SAMD12: variants seen among roughly 807,000 people sequenced by gnomAD.
SAMD12 encodes sterile alpha motif domain-containing protein 12.
A neutral mutation model predicts 15.0 loss-of-function variants in SAMD12; 9 were observed. The observed-to-expected ratio is 0.60, with a 90% CI of 0.36 to 1.05. SAMD12 has a LOEUF of 1.05. Ranked by LOEUF, SAMD12 falls within the 50% of genes least tolerant of loss-of-function variation. The pLI is 0.01. For synonymous variants in SAMD12, 86 were observed against 90.1 expected (o/e 0.96, Z 0.25); for missense variants, 230 against 234.2 (o/e 0.98, Z 0.12).
chr8:118,145,988 G>A, the SAMD12 span, among the ~76,000 whole-genome samples: 2 of 152,296 alleles, frequency 1.3e-5, no homozygotes, highest in Admixed American at 6.5e-5. Flanking sequence ...GGAGATCAAA[G>A]CGATGCAACC....
At chr8:118,300,095 C>T (rs1814937631) in intron 4 of SAMD12, among the ~76,000 whole-genome samples, 1 of 151,928 alleles carries the variant, frequency 6.6e-6, no homozygotes, top group Non-Finnish European at 1.5e-5. Context: ...TGATGCAATA[C>T]ATATATAGTG....
chr8:118,298,352 G>T (rs1257767589), intron 4 of SAMD12, among the ~76,000 whole-genome samples: 1 of 152,082 alleles, frequency 6.6e-6, no homozygotes, highest in African/African-American at 2.4e-5. Context: ...TAGAATAAGT[G>T]CATACATGCT....
rs543121343 is a variant in SAMD12 at position 118,621,685 on chromosome 8, G to A, written c.13+119C>T. 6 of 1,160,746 alleles carry A rather than the reference G, an allele frequency of 5.2e-6. No homozygotes were observed. The South Asian group carries it at 6.3e-5, about 12-fold the overall frequency. 71.9% of individuals were successfully genotyped at this position (1,160,746 alleles called of 1,614,324 possible). The stretch of plus-strand genomic sequence containing the variant: ...GTGCCAAGAGGTGGAGGAGGAAGGG[G>A]CCCGCTCTCCGCCACCCCCTTTCCT... On this transcript the variant is annotated intron_variant, in intron 1 of 3. Transcript: ENST00000314727.
At chr8:118,188,851 G>T (rs780067319), downstream of SAMD12, among the ~76,000 whole-genome samples, 35 of 152,162 alleles carry the variant, frequency 2.3e-4, no homozygotes, top group Middle Eastern at 3.4e-3. Flanking sequence ...GATGTTTGCC[G>T]CACTAGAGGC....
chr8:118,201,226 A>T (rs1193853785), intron 4 of SAMD12, among the ~76,000 whole-genome samples: 2 of 152,200 alleles, frequency 1.3e-5, no homozygotes, highest in Non-Finnish European at 1.5e-5. Context: ...CCTGTGCTTC[A>T]GCCATCCCAG....
intron 4 of SAMD12, among the ~76,000 whole-genome samples, chr8:118,314,075 C>A (rs542983787): frequency 2.0e-5 from 3 of 152,076 alleles, no homozygotes; most frequent in Non-Finnish European, 4.4e-5. Context: ...TTCCTAATTT[C>A]AGATCTCACT....
chr8:118,441,268 T>A (rs773434339), intron 2 of SAMD12, among the ~76,000 whole-genome samples: 18 of 152,200 alleles, frequency 1.2e-4, no homozygotes, highest in Non-Finnish European at 2.9e-5. Flanking sequence ...GCAAAATAAA[T>A]TTTATTTTCT....
At chr8:118,132,980 A>G in the SAMD12 span, among the ~76,000 whole-genome samples, 996 of 17,874 alleles carry the variant, frequency 0.056, 40 homozygotes, top group African/African-American at 0.18. Flanking sequence ...GTGTATATAT[A>G]TATATATATA....
At chr8:118,316,807 TA>T (rs34402286) in intron 4 of SAMD12, among the ~76,000 whole-genome samples, 66,594 of 143,588 alleles carry the variant, frequency 0.46, 18,052 homozygotes, top group African/African-American at 0.76. Flanking sequence ...CCTGGCTAAT[TA>T]AAAAAAAGTT....
intron 2 of SAMD12, among the ~76,000 whole-genome samples, chr8:118,457,598 C>T (rs749048239): frequency 2.1e-4 from 32 of 152,010 alleles, no homozygotes; most frequent in Middle Eastern, 3.2e-3. Context: ...TTCCCTGGGG[C>T]GTAATTCACT....
intron 4 of SAMD12, among the ~76,000 whole-genome samples, chr8:118,366,941 T>A (rs1818834975): frequency 6.7e-6 from 1 of 149,428 alleles, no homozygotes; most frequent in Non-Finnish European, 1.5e-5. Flanking sequence ...AAAAGGGGGA[T>A]ACTAAGAATG....
At chr8:118,506,015 G>T (rs1824911484) in intron 2 of SAMD12, among the ~76,000 whole-genome samples, 1 of 152,076 alleles carries the variant, frequency 6.6e-6, no homozygotes, top group Non-Finnish European at 1.5e-5. Context: ...GTAAAAGTTA[G>T]CTCTCTTGCT....
chr8:118,178,831 A>T, the SAMD12 span, among the ~76,000 whole-genome samples: 2 of 152,148 alleles, frequency 1.3e-5, no homozygotes, highest in African/African-American at 4.8e-5. Context: ...CAAATCCTGA[A>T]ATCTCGACAG....
chr8:118,350,481 C>G (rs1278858462), intron 4 of SAMD12, among the ~76,000 whole-genome samples: 1 of 152,142 alleles, frequency 6.6e-6, no homozygotes, highest in African/African-American at 2.4e-5. Flanking sequence ...TGTTTCTTCT[C>G]TATAAAATGG....
chr8:118,219,927 G>A (rs1280942661), intron 4 of SAMD12, among the ~76,000 whole-genome samples: 1 of 152,218 alleles, frequency 6.6e-6, no homozygotes, highest in Non-Finnish European at 1.5e-5. Context: ...GTTATGTTAA[G>A]CCACTAAGTT....
At chr8:118,527,096 G>A (rs1204196502) in intron 2 of SAMD12, among the ~76,000 whole-genome samples, 1 of 152,120 alleles carries the variant, frequency 6.6e-6, no homozygotes, top group Admixed American at 6.6e-5. Context: ...TTCTCCATTT[G>A]ATATTTCTGA....
the SAMD12 span, among the ~76,000 whole-genome samples, chr8:118,136,550 T>G: frequency 6.6e-6 from 1 of 152,232 alleles, no homozygotes; most frequent in East Asian, 1.9e-4. Flanking sequence ...TGTCATCCTT[T>G]GGGCTCACCT....
intron 4 of SAMD12, among the ~76,000 whole-genome samples, chr8:118,218,108 A>G (rs2129854221): frequency 6.6e-6 from 1 of 152,316 alleles, no homozygotes; most frequent in Non-Finnish European, 1.5e-5. Context: ...AGACAAGTAT[A>G]CTGATTACAG....
chr8:118,322,604 T>C (rs541617184), intron 4 of SAMD12, among the ~76,000 whole-genome samples: 1 of 152,358 alleles, frequency 6.6e-6, no homozygotes, highest in Non-Finnish European at 1.5e-5. Flanking sequence ...TGTCGTAGGC[T>C]GAACCAAGTA....
Sources: gnomAD v4.1 joint callset for allele counts (sites outside exome capture counted in the v4.1 genomes callset) on GRCh38, gnomAD v4.1.1 for gene constraint, MANE v1.5 for transcripts, NCBI Gene and HGNC (gene_info 2026-07-23, HGNC 2026-07-21) for gene names.